ENOSF1: variants seen among roughly 807,000 people sequenced by gnomAD.
ENOSF1 encodes mitochondrial enolase superfamily member 1.
In ENOSF1, 73 loss-of-function variants were observed where a neutral mutation model predicts 68.2. That is an observed-to-expected ratio of 1.07 (90% CI 0.89 to 1.30). The LOEUF (loss-of-function observed/expected upper bound fraction) is 1.30, where lower values mean the gene tolerates loss of function less well. ENOSF1 is among the 50% of genes most tolerant of loss of function. The pLI, the probability that ENOSF1 is intolerant of heterozygous loss-of-function variation, is 0.00. For synonymous variants in ENOSF1, 223 were observed against 210.4 expected, an observed-to-expected ratio of 1.06 and a Z score of -0.52; for missense variants, 589 against 554.5, an observed-to-expected ratio of 1.06 and a Z score of -0.62.
intron 11 of ENOSF1, among the ~76,000 whole-genome samples, chr18:680,836 G>A (rs1037494922): frequency 5.4e-5 from 8 of 148,868 alleles, no homozygotes; most frequent in South Asian, 2.1e-4. Context: ...ACACATCACC[G>A]CGCCCTGCTA....
At chr18:667,161 A>T (rs368212592), downstream of ENOSF1, among the ~76,000 whole-genome samples, 243 of 38,450 alleles carry the variant, frequency 6.3e-3, 1 homozygote, top group Admixed American at 9.7e-3. Flanking sequence ...ATGGTGATGG[A>T]GATGGTGATG....
downstream of ENOSF1, among the ~76,000 whole-genome samples, chr18:667,370 TGATGGTGATGGTGATGGTGATGGA>T (rs2074866461): frequency 6.8e-5 from 1 of 14,716 alleles, no homozygotes; most frequent in Admixed American, 7.4e-4. Context: ...ATGGAGATGG[TGATGGTGATGGTGATGGTGATGGA>T]GATGGTGATG....
chr18:672,794 G>T lies in ENOSF1; in HGVS notation c.*1511C>A. The T allele has an allele frequency of 6.7e-7, 1 of 1,490,992 alleles. No homozygotes were observed. The highest frequency in any genetic ancestry group is 1.4e-5 in the South Asian group (1 of 73,158). The allele number at this position is 1,490,992 out of a possible 1,614,324, so 92.4% of individuals were successfully genotyped here. On this transcript the variant is annotated 3_prime_UTR_variant, in exon 16 of 16. Transcript: ENST00000647584. ...TCACATCCTGTGTACTTGTTTCACG[G>T]ACATGAGGAGCAATTACAACAGGTC...
At chr18:699,715 T>C (rs955727312) in intron 2 of ENOSF1, among the ~76,000 whole-genome samples, 3 of 152,214 alleles carry the variant, frequency 2.0e-5, no homozygotes, top group Non-Finnish European at 4.4e-5. Flanking sequence ...TAAAAGTTTT[T>C]AGTCATTTAA....
Position 670,718 on chromosome 18 carries a change from T to C in ENOSF1, c.*3587A>G. ...TCTTCCTCTGATGGCGCTGCCTCCA[T>C]GCCATGCCCTCTGCCAGTTCTATGT... On this transcript the variant is annotated 3_prime_UTR_variant, in exon 16 of 16. Coordinates refer to ENST00000647584, the MANE Select transcript of ENOSF1 (RefSeq NM_017512.7). 3 of 1,614,170 alleles carry C rather than the reference T, an allele frequency of 1.9e-6. No individual in the cohort carries two copies. The highest frequency in any genetic ancestry group is 2.5e-6 in the Non-Finnish European group (3 of 1,180,028).
intron 11 of ENOSF1, among the ~76,000 whole-genome samples, chr18:680,984 CT>C (rs986859275): frequency 1.3e-5 from 2 of 152,068 alleles, no homozygotes; most frequent in African/African-American, 2.4e-5. Context: ...GTAGCTGGGA[CT>C]ATAGGTGGGC....
chr18:700,660 G>A (rs1001776280), intron 2 of ENOSF1, among the ~76,000 whole-genome samples: 7 of 152,058 alleles, frequency 4.6e-5, no homozygotes, highest in Middle Eastern at 3.4e-3. Flanking sequence ...TGAGGCGGGC[G>A]GATCACCTGA....
intron 2 of ENOSF1, among the ~76,000 whole-genome samples, chr18:702,997 T>G (rs938185830): frequency 6.6e-6 from 1 of 152,110 alleles, no homozygotes; most frequent in African/African-American, 2.4e-5. Context: ...CTAATGGAAT[T>G]TTTCATCTTT....
At chr18:707,358 G>A (rs774757347) in intron 1 of ENOSF1, among the ~76,000 whole-genome samples, 14 of 152,226 alleles carry the variant, frequency 9.2e-5, no homozygotes, top group East Asian at 1.9e-4. Context: ...GTTTTCACTC[G>A]CAGCTATCTC....
At chr18:675,053 G>C (rs1177116875) in intron 15 of ENOSF1, among the ~76,000 whole-genome samples, 1 of 152,120 alleles carries the variant, frequency 6.6e-6, no homozygotes, top group Non-Finnish European at 1.5e-5. Flanking sequence ...ATGGTGCCAG[G>C]TTTTTTTGCA....
chr18:691,512 A>ATTT, intron 5 of ENOSF1: 1 of 439,868 alleles, frequency 2.3e-6, no homozygotes, highest in Non-Finnish European at 4.1e-6. Flanking sequence ...TGCCCGGCTA[A>ATTT]TTTATTTTTA....
Position 683,452 on chromosome 18 carries a change from A to G in ENOSF1, c.742-72T>C, listed in dbSNP as rs11876755. The G allele has an allele frequency of 4.0e-3, 6,295 of 1,577,084 alleles. 244 individuals carry two copies. In the African/African-American group the frequency reaches 0.076, roughly 19 times the overall value. On this transcript the variant is annotated intron_variant, in intron 10 of 15. Transcript: ENST00000647584. ...CACAGCAGGGCTGCGGCTCCCAGGG[A>G]GGAAATGCTGTCACTCAGTGCCACC...
rs553761343 is a variant in ENOSF1, at chr18:696,302, C to G, written c.309+938G>C. ...TCTCGGCTCACTGCAAGCTCCGCCT[C>G]CCAGGTTCACGCCGTTCTCCTGCCT... is the stretch of plus-strand genomic sequence containing the variant. On this transcript the variant is annotated intron_variant, in intron 3 of 15. Transcript: ENST00000647584. Among the ~76,000 whole-genome samples, 484 of 151,260 alleles carry G rather than the reference C, an allele frequency of 3.2e-3. 2 individuals are homozygous for G. The highest frequency in any genetic ancestry group is 0.011 in the African/African-American group (460 of 41,142).
intron 10 of ENOSF1, among the ~76,000 whole-genome samples, chr18:683,729 T>C (rs1769451142): frequency 6.6e-6 from 1 of 152,130 alleles, no homozygotes. Context: ...TCTTGCAGTG[T>C]TGGTTCTGTT....
intron 1 of ENOSF1, among the ~76,000 whole-genome samples, chr18:710,220 C>T (rs546516811): frequency 6.6e-6 from 1 of 152,182 alleles, no homozygotes; most frequent in South Asian, 2.1e-4. Context: ...GAGATCCTCC[C>T]ACCTCAGCCT....
chr18:689,355 A>C (rs1305080781), intron 8 of ENOSF1, among the ~76,000 whole-genome samples: 1 of 152,118 alleles, frequency 6.6e-6, no homozygotes, highest in African/African-American at 2.4e-5. Flanking sequence ...ATCTCGGCTC[A>C]TTGCAACCCC....
rs374626943 is a variant in ENOSF1, at chr18:688,979, T to C, written c.619-371A>G. ...CTCCACTCTCTAGAAGTGGGCACAGTGTAAGGAGAAACAGTAATAAATCCA... is the reference window on the plus strand; with the variant it reads ...CTCCACTCTCTAGAAGTGGGCACAGCGTAAGGAGAAACAGTAATAAATCCA... On this transcript the variant is annotated intron_variant, in intron 8 of 15. Coordinates refer to ENST00000647584, the MANE Select transcript of ENOSF1 (RefSeq NM_017512.7). 2.6e-5 allele frequency among the ~76,000 whole-genome samples: 4 copies of C among 152,214 alleles called. No homozygotes were observed. In the East Asian group the frequency reaches 7.8e-4, roughly 30 times the overall value.
Position 705,648 on chromosome 18 carries a change from G to A in ENOSF1, c.193+822C>T, listed in dbSNP as rs192573994. 3.6e-3 allele frequency among the ~76,000 whole-genome samples: 553 copies of A among 152,270 alleles called. 5 individuals are homozygous for A. The highest frequency in any genetic ancestry group is 0.013 in the African/African-American group (520 of 41,562). ...CTGCTCTTCCCCAAGGGAGACCTCC[G>A]AGATTGGGCGGGGCCAAAGCCCTTT... is the stretch of plus-strand genomic sequence containing the variant. On this transcript the variant is annotated intron_variant, in intron 2 of 15. Transcript: ENST00000647584.
chr18:712,517 C>T lies in ENOSF1; in HGVS notation c.71G>A (p.Gly24Asp). Reference sequence around the variant, plus strand: ...GTCCGCGCTTACCATGGCGTCCGCGCCGTGGCCCCCAAGCGACGTGGGGAA... The same window carrying T: ...GTCCGCGCTTACCATGGCGTCCGCGTCGTGGCCCCCAAGCGACGTGGGGAA... ...VRFPTSLGGH[G>D]ADAMHTDPDY... Residue 24 changes from glycine (G) to aspartate (D), a missense_variant, in exon 1 of 16, where the codon GGC becomes GAC. By Grantham distance (94) the Gly-to-Asp change is moderately conservative. Transcript: ENST00000647584. 6.5e-7 allele frequency: 1 copy of T among 1,539,358 alleles called. No individual in the cohort carries two copies. Among genetic ancestry groups the T allele is most frequent in the Non-Finnish European group, 8.7e-7 (1 of 1,146,322 alleles).
Sources: gnomAD v4.1 joint callset for allele counts (sites outside exome capture counted in the v4.1 genomes callset) on GRCh38, gnomAD v4.1.1 for gene constraint, MANE v1.5 for transcripts, NCBI Gene and HGNC (gene_info 2026-07-23, HGNC 2026-07-21) for gene names.